The following HELQ variants were observed in gnomAD, a reference collection of about 807,000 sequenced individuals.
HELQ encodes the protein helicase, POLQ like, also known as helicase POLQ-like.
Under a neutral mutation model 111.6 loss-of-function variants are expected in HELQ, and 77 were observed. The ratio of observed to expected loss-of-function variants is 0.69; its 90% confidence interval spans 0.57 to 0.83. HELQ has a LOEUF of 0.83. Ranked by LOEUF, HELQ falls within the 40% of genes least tolerant of loss-of-function variation. The pLI is 0.00. For missense variants in HELQ, 1,200 were observed against 1,288.5 expected (o/e 0.93, Z 1.05); for synonymous variants, 438 against 454.7 (o/e 0.96, Z 0.47).
In HELQ at chr4:83,427,607, G is replaced by C; in HGVS notation, c.2632C>G (p.Leu878Val). ...HLIYLTTPYD[L>V]VSQCNPDWMI... ...CAATCAGGGTTACACTGTGAAACCA[G>C]ATCATAGGGGGTTGTTAGGTAGATT... Residue 878 changes from leucine (L) to valine (V), a missense_variant, in exon 13 of 18, where the codon CTG becomes GTG. Leu to Val is a conservative substitution (Grantham distance 32). This residue lies in a region of HELQ where 585 missense variants were observed against 665.3 expected (regional missense o/e 0.88). Coordinates refer to ENST00000295488, the MANE Select transcript of HELQ (RefSeq NM_133636.5). The C allele has an allele frequency of 1.2e-6, 2 of 1,603,972 alleles. No individual in the cohort carries two copies. Among genetic ancestry groups the C allele is most frequent in the Non-Finnish European group, 1.7e-6 (2 of 1,176,114 alleles).
chr4:83,437,300 C>A (rs1311166607), intron 8 of HELQ, among the ~76,000 whole-genome samples: 1 of 152,008 alleles, frequency 6.6e-6, no homozygotes, highest in East Asian at 1.9e-4. Context: ...GATTACAGAA[C>A]CCTGTGAAAA....
chr4:83,422,568 G>A (rs1054237262), intron 14 of HELQ, among the ~76,000 whole-genome samples: 5 of 152,312 alleles, frequency 3.3e-5, no homozygotes, highest in Middle Eastern at 3.4e-3. Flanking sequence ...ATAAGCCAAG[G>A]AACACCAAGG....
At position 83,453,393 on chromosome 4, in the gene HELQ, A is replaced by C; in HGVS notation, c.850T>G (p.Phe284Val). The change falls in exon 2 of 18, where the codon TTT becomes GTT. Residue 284 changes from phenylalanine to valine, a missense_variant. Coordinates refer to ENST00000295488, the MANE Select transcript of HELQ (RefSeq NM_133636.5). ...TCTTTGAGCTGTTTACTTCTAGAAA[A>C]TATTGGTGTCTGGGCCTTCGCATTT... ...TGNAKAQTPIFSRSKQLKDTL... is the reference protein window; with the variant it reads ...TGNAKAQTPIVSRSKQLKDTL... 13 of 1,606,070 alleles carry C rather than the reference A, an allele frequency of 8.1e-6. No homozygotes were observed. Among genetic ancestry groups the C allele is most frequent in the Non-Finnish European group, 1.1e-5 (13 of 1,177,918 alleles).
chr4:83,443,722 T>C (rs1720897020), intron 5 of HELQ, 108 bp from the exon 6 acceptor site: 2 of 533,416 alleles, frequency 3.7e-6, no homozygotes, highest in Non-Finnish European at 3.3e-6. Context: ...TCCTGAGTGA[T>C]TTGGGAAAGG....
At chr4:83,451,384 C>T (rs368225373) in intron 2 of HELQ, among the ~76,000 whole-genome samples, 19 of 151,944 alleles carry the variant, frequency 1.3e-4, no homozygotes, top group East Asian at 1.2e-3. Flanking sequence ...TGAGTTAGGC[C>T]GGGCTCGGTG....
chr4:83,431,820 G>T, intron 10 of HELQ, 52 bp from the exon 11 acceptor site: 1 of 716,020 alleles, frequency 1.4e-6, no homozygotes, highest in Non-Finnish European at 2.1e-6. Context: ...AAAATAAATG[G>T]TATTTAATAT....
At chr4:83,436,472 C>T (rs1720467089) in intron 9 of HELQ, among the ~76,000 whole-genome samples, 1 of 152,040 alleles carries the variant, frequency 6.6e-6, no homozygotes, top group South Asian at 2.1e-4. Context: ...ATATATTAGA[C>T]ACAAATTGCC....
At chr4:83,431,839 T>TA in intron 10 of HELQ, 71 bp from the exon 11 acceptor site, 1 of 635,888 alleles carries the variant, frequency 1.6e-6, no homozygotes, top group Non-Finnish European at 2.4e-6. Flanking sequence ...ATAAATATTT[T>TA]ATACTTTACA....
chr4:83,426,127 A>C (rs1719837061), intron 13 of HELQ, 35 bp from the exon 14 acceptor site: 2 of 1,114,362 alleles, frequency 1.8e-6, no homozygotes, highest in South Asian at 2.6e-5. Flanking sequence ...TGGAAACATC[A>C]AAAAATCTGT....
In HELQ at chr4:83,432,228, TA is replaced by T; in HGVS notation, c.2087del (p.Leu696Ter). The T allele has an allele frequency of 6.3e-7, 1 of 1,587,530 alleles. No homozygotes were observed. On this transcript the variant is annotated frameshift_variant, in exon 10 of 18. Transcript: ENST00000295488. LOFTEE classifies it high-confidence loss of function. Reference protein sequence around the residue: ...LRAPYVAKEFLKRNQYKQMIG... With the variant: ...LRAPYVAKEFXKRNQYKQMIG... ...TCATCTGTTTATATTGATTCCTCTT[TA>T]AAAATTCCTTAGCAACATAGGGAGC...
At chr4:83,429,038 ATTCAAAACATTTT>A (rs1719996456) in intron 12 of HELQ, among the ~76,000 whole-genome samples, 1 of 149,516 alleles carries the variant, frequency 6.7e-6, no homozygotes, top group East Asian at 1.9e-4. Flanking sequence ...AGTACTTATA[ATTCAAAACATTTT>A]TCAACTTTTG....
rs114271198 is a variant in HELQ, at chr4:83,418,972, G to A, written c.2950-766C>T. Among the ~76,000 whole-genome samples the A allele has an allele frequency of 9.5e-3, 1,452 of 152,128 alleles. 17 individuals carry two copies. The highest frequency in any genetic ancestry group is 0.033 in the African/African-American group (1,386 of 41,496). ...TGTTTAAACCTTGATGGGTTTTTCT[G>A]TAACTTGTAGTTAAAAGCATCTTAA... On this transcript the variant is annotated intron_variant, in intron 15 of 17. Transcript: ENST00000295488.
At position 83,434,173 on chromosome 4, in the gene HELQ, C is replaced by T. The variant is rs1720317652; in HGVS notation, c.2049-1906G>A. Among the ~76,000 whole-genome samples the T allele has an allele frequency of 2.0e-5, 3 of 151,728 alleles. No homozygotes were observed. The South Asian group carries it at 6.2e-4, about 32-fold the overall frequency. ...ATCACCTGAGGTCAGGAGTTTGAGACCAGCCTGGCCAACATGGCGAAACCC... is the reference window on the plus strand; with the variant it reads ...ATCACCTGAGGTCAGGAGTTTGAGATCAGCCTGGCCAACATGGCGAAACCC... On this transcript the variant is annotated intron_variant, in intron 9 of 17. Coordinates refer to ENST00000295488, the MANE Select transcript of HELQ (RefSeq NM_133636.5).
At chr4:83,447,500 A>T (rs528807760) in intron 3 of HELQ, among the ~76,000 whole-genome samples, 4 of 152,334 alleles carry the variant, frequency 2.6e-5, no homozygotes, top group African/African-American at 9.6e-5. Context: ...TAATGTCTCG[A>T]TCTTTGCAAA....
chr4:83,410,144 C>T (rs574340661), intron 17 of HELQ, among the ~76,000 whole-genome samples: 1 of 152,106 alleles, frequency 6.6e-6, no homozygotes, highest in African/African-American at 2.4e-5. Flanking sequence ...CCCAGCCACT[C>T]AGGAGGCTAA....
intron 17 of HELQ, among the ~76,000 whole-genome samples, chr4:83,409,394 CAAA>C (rs921702932): frequency 6.6e-6 from 1 of 151,080 alleles, no homozygotes; most frequent in Non-Finnish European, 1.5e-5. Context: ...ACTAAAAATA[CAAA>C]AAAAAATTTA....
At chr4:83,410,867 T>A (rs1256187720) in intron 17 of HELQ, among the ~76,000 whole-genome samples, 6 of 151,564 alleles carry the variant, frequency 4.0e-5, no homozygotes, top group Non-Finnish European at 8.8e-5. Context: ...AAAGCCAAGC[T>A]AGGATAGGCA....
Position 83,446,027 on chromosome 4 carries a change from G to T in HELQ, c.1452C>A (p.Ile484=), listed in dbSNP as rs766896562. The change falls in exon 5 of 18, where the codon ATC becomes ATA. Residue 484 remains isoleucine (I), a synonymous_variant. Transcript: ENST00000295488. Reference sequence around the variant, plus strand: ...AAAAATACTTACTGCTAGTGTAGAGGATTTTTGCTAGGGTCATTTCCAGTG... The same window carrying T: ...AAAAATACTTACTGCTAGTGTAGAGTATTTTTGCTAGGGTCATTTCCAGTG... ...GATLEMTLAK[I]LYTSKTTQII... is the part of the protein sequence containing the mutation. The T allele has an allele frequency of 6.2e-7, 1 of 1,609,512 alleles. No homozygotes were observed. The highest frequency in any genetic ancestry group is 8.5e-7 in the Non-Finnish European group (1 of 1,176,118).
At chr4:83,439,793 A>C in intron 8 of HELQ, 70 bp downstream of exon 8, 1 of 1,046,240 alleles carries the variant, frequency 9.6e-7, no homozygotes, top group Admixed American at 2.3e-5. Flanking sequence ...GTGTTTGCCC[A>C]ATAAAATTAA....
Sources: allele counts gnomAD v4.1 joint callset (sites outside exome capture counted in the v4.1 genomes callset), GRCh38; gene constraint gnomAD v4.1.1; regional missense constraint gnomAD v4.1.1; transcripts MANE v1.5; gene names NCBI Gene and HGNC (gene_info 2026-07-23, HGNC 2026-07-21).